The following USP22 variants were observed in gnomAD, a reference collection of about 807,000 sequenced individuals.
The protein encoded by USP22 is ubiquitin carboxyl-terminal hydrolase 22.
In USP22, 22 loss-of-function variants were observed where a neutral mutation model predicts 68.1. The ratio of observed to expected loss-of-function variants is 0.32; its 90% confidence interval spans 0.23 to 0.46. The LOEUF (loss-of-function observed/expected upper bound fraction) is 0.46, where lower values mean the gene tolerates loss of function less well. USP22 is among the 20% of genes least tolerant of loss of function. The pLI is 1.00. For synonymous variants in USP22, 279 were observed against 274.2 expected (o/e 1.02, Z -0.17); for missense variants, 433 against 695.8 (o/e 0.62, Z 4.25).
intron 12 of USP22, among the ~76,000 whole-genome samples, chr17:21,003,282 CCACCCCCA>C (rs1913655189): frequency 6.6e-6 from 1 of 152,174 alleles, no homozygotes; most frequent in African/African-American, 2.4e-5. Context: ...AGCCCGACCA[CCACCCCCA>C]CCTGCCACGA....
chr17:21,036,420 C>T (rs1395367818), intron 1 of USP22, among the ~76,000 whole-genome samples: 2 of 149,978 alleles, frequency 1.3e-5, no homozygotes, highest in East Asian at 2.0e-4. Context: ...GACACAACTC[C>T]GCCAAGAGGG....
intron 2 of USP22, among the ~76,000 whole-genome samples, chr17:21,025,641 A>C (rs1115509): frequency 0.98 from 149,526 of 152,330 alleles, 73,427 homozygotes; most frequent in East Asian, 1. Context: ...GGTCTACATA[A>C]ACAATGGAAC....
At chr17:21,041,087 G>A (rs1972423778) in intron 1 of USP22, among the ~76,000 whole-genome samples, 1 of 151,726 alleles carries the variant, frequency 6.6e-6, no homozygotes, top group Non-Finnish European at 1.5e-5. Flanking sequence ...GTTTCACCAT[G>A]TTGGCCAGGC....
chr17:21,010,336 G>T (rs1032986515), intron 8 of USP22, among the ~76,000 whole-genome samples: 1 of 152,060 alleles, frequency 6.6e-6, no homozygotes, highest in African/African-American at 2.4e-5. Context: ...TTTTAGGAAG[G>T]TTTTCTGCTG....
chr17:21,005,143 G>A lies in USP22; in HGVS notation c.1323-153C>T, dbSNP rs148393289. ...TCAGGCAGAAATCTCCCCATGTTTC[G>A]TGAGGACACTGACGCTCAAGCTGTG... On this transcript the variant is annotated intron_variant, in intron 10 of 12. Coordinates refer to ENST00000261497, the MANE Select transcript of USP22 (RefSeq NM_015276.2). The A allele has an allele frequency of 7.5e-4, 655 of 874,984 alleles. 5 individuals carry two copies. In the African/African-American group the frequency reaches 1.0e-2, roughly 13 times the overall value. The allele number at this position is 874,984 out of a possible 1,614,324, so 54.2% of individuals were successfully genotyped here.
At chr17:21,037,899 A>G (rs1160084753) in intron 1 of USP22, among the ~76,000 whole-genome samples, 5 of 152,310 alleles carry the variant, frequency 3.3e-5, no homozygotes, top group East Asian at 1.9e-4. Flanking sequence ...CCCTTAGAGG[A>G]CTGGGGAAAG....
intron 3 of USP22, among the ~76,000 whole-genome samples, chr17:21,020,037 C>T (rs1204215185): frequency 6.6e-6 from 1 of 152,012 alleles, no homozygotes; most frequent in Non-Finnish European, 1.5e-5. Context: ...GCTATTCTTC[C>T]CTTCTCAAAA....
rs747251935 is a variant in USP22 at position 21,019,073 on chromosome 17, G to A, written c.520+11C>T. 1.9e-6 allele frequency: 3 copies of A among 1,613,426 alleles called. No homozygotes were observed. The highest frequency in any genetic ancestry group is 1.7e-5 in the Admixed American group (1 of 60,012). ...GAAGCCTAGCTGAGAGTGACGACAC[G>A]CTCCACCCACCTATGGTGCAGTTCG... is the stretch of plus-strand genomic sequence containing the variant. On this transcript the variant is annotated intron_variant, in intron 4 of 12. Coordinates refer to ENST00000261497, the MANE Select transcript of USP22 (RefSeq NM_015276.2).
At position 21,026,690 on chromosome 17, in the gene USP22, C is replaced by A. The variant is rs1371157324; in HGVS notation, c.304+1852G>T. Among the ~76,000 whole-genome samples the A allele has an allele frequency of 2.0e-5, 3 of 151,806 alleles. No individual in the cohort carries two copies. In the East Asian group the frequency reaches 5.8e-4, roughly 29 times the overall value. On this transcript the variant is annotated intron_variant, in intron 2 of 12. Coordinates refer to ENST00000261497, the MANE Select transcript of USP22 (RefSeq NM_015276.2). ...AAAAATCAGACACACTGTGTCCAGG[C>A]ATGGTGGCTCACTCCTATAATCCCA...
At chr17:21,018,268 G>T in intron 4 of USP22, 157 bp from the exon 5 acceptor site, 2 of 668,938 alleles carry the variant, frequency 3.0e-6, no homozygotes, top group Non-Finnish European at 2.4e-6. Context: ...TAGTTTTTAT[G>T]CCACTTTTAC....
intron 6 of USP22, 93 bp from the exon 7 acceptor site, chr17:21,013,028 G>A (rs1250397236): frequency 1.6e-6 from 2 of 1,213,990 alleles, no homozygotes; most frequent in Non-Finnish European, 2.4e-6. Context: ...GCCTGGGGGA[G>A]CCAGGGCCAA....
intron 2 of USP22, among the ~76,000 whole-genome samples, chr17:21,023,518 G>A (rs1972182235): frequency 6.6e-6 from 1 of 151,746 alleles, no homozygotes; most frequent in Non-Finnish European, 1.5e-5. Context: ...GGTGGTGTGT[G>A]TCTAAGGTCC....
intron 8 of USP22, 24 bp downstream of exon 8, chr17:21,011,127 G>A (rs769078031): frequency 5.9e-5 from 92 of 1,559,386 alleles, no homozygotes; most frequent in Admixed American, 1.1e-4. Flanking sequence ...ACACGCCCCC[G>A]CCGTGTGGGT....
rs542545336 is a variant in USP22, at chr17:21,003,825, G to A, written c.1535+377C>T. ...TGAGGCAGGAGACTGACTTGAACCT[G>A]GGAGGCAGAGGGTGCAGTGAGCTGA... On this transcript the variant is annotated intron_variant, in intron 12 of 12. Transcript: ENST00000261497. 1.1e-4 allele frequency among the ~76,000 whole-genome samples: 17 copies of A among 151,792 alleles called. No individual in the cohort carries two copies. The East Asian group carries it at 3.1e-3, about 28-fold the overall frequency.
chr17:21,024,179 G>A (rs1972192340), intron 2 of USP22, among the ~76,000 whole-genome samples: 1 of 152,114 alleles, frequency 6.6e-6, no homozygotes, highest in Non-Finnish European at 1.5e-5. Flanking sequence ...CAGCAGTACA[G>A]CCCCAGCACA....
At chr17:21,043,123 A>ACACCCCCCCCCCCCCCCCCCC (rs1972466791), upstream of USP22, 1 of 18,888 alleles carries the variant, frequency 5.3e-5, no homozygotes, top group Non-Finnish European at 1.1e-4. Context: ...AGATTACGTC[A>ACACCCCCCCCCCCCCCCCCCC]CCCCCCCCCC....
chr17:21,023,268 C>G (rs546667390), intron 2 of USP22, among the ~76,000 whole-genome samples: 11 of 152,298 alleles, frequency 7.2e-5, no homozygotes, highest in Admixed American at 3.3e-4. Context: ...AGGGAATAAA[C>G]TGTACACCAA....
intron 2 of USP22, among the ~76,000 whole-genome samples, chr17:21,027,430 G>A (rs1205807493): frequency 2.0e-5 from 3 of 152,068 alleles, no homozygotes; most frequent in African/African-American, 4.8e-5. Flanking sequence ...GGACTCGCAT[G>A]TTGTTTCCAA....
chr17:21,017,886 TGAAGGTGA>T, intron 5 of USP22, 48 bp downstream of exon 5: 2 of 1,593,320 alleles, frequency 1.3e-6, no homozygotes, highest in Admixed American at 1.8e-5. Flanking sequence ...ATTTTTTTTT[TGAAGGTGA>T]AAACAAAGTA....
Sources: allele counts gnomAD v4.1 joint callset (sites outside exome capture counted in the v4.1 genomes callset), GRCh38; gene constraint gnomAD v4.1.1; transcripts MANE v1.5; gene names NCBI Gene and HGNC (gene_info 2026-07-23, HGNC 2026-07-21).